Variants in LCLAT1 observed in about 807,000 individuals in gnomAD.
The protein encoded by LCLAT1 is 1-AGP acyltransferase 8.
A neutral mutation model predicts 30.7 loss-of-function variants in LCLAT1; 11 were observed. That is an observed-to-expected ratio of 0.36 (90% CI 0.23 to 0.59). The LOEUF is 0.59. Ranked by LOEUF, LCLAT1 falls within the 20% of genes least tolerant of loss-of-function variation. The probability of loss-of-function intolerance (pLI) is 0.77; values close to 1 mark genes in which losing one functional copy is unlikely to be tolerated. For missense variants in LCLAT1, 402 were observed against 458.6 expected (o/e 0.88, Z 1.13); for synonymous variants, 155 against 151.3 (o/e 1.02, Z -0.18).
chr2:30,517,467 C>T (rs912820719), intron 1 of LCLAT1, among the ~76,000 whole-genome samples: 1 of 152,218 alleles, frequency 6.6e-6, no homozygotes, highest in African/African-American at 2.4e-5. Flanking sequence ...CCAATTTCTA[C>T]CCAGCTTACC....
At chr2:30,565,089 A>G (rs1368733837) in intron 4 of LCLAT1, among the ~76,000 whole-genome samples, 2 of 152,100 alleles carry the variant, frequency 1.3e-5, no homozygotes, top group Admixed American at 6.5e-5. Flanking sequence ...AGGGAGTTCT[A>G]TATTGTATTG....
chr2:30,454,118 G>A (rs1234519455), intron 1 of LCLAT1, among the ~76,000 whole-genome samples: 2 of 152,184 alleles, frequency 1.3e-5, no homozygotes, highest in African/African-American at 4.8e-5. Flanking sequence ...TGTATTACAA[G>A]TTATGTCCAA....
At chr2:30,628,617 T>C (rs769594507) in intron 5 of LCLAT1, among the ~76,000 whole-genome samples, 8 of 152,190 alleles carry the variant, frequency 5.3e-5, no homozygotes, top group Non-Finnish European at 8.8e-5. Flanking sequence ...GATATCTATA[T>C]ATGTGAGAAT....
At chr2:30,623,713 C>G (rs1452526419) in intron 5 of LCLAT1, among the ~76,000 whole-genome samples, 1 of 152,100 alleles carries the variant, frequency 6.6e-6, no homozygotes, top group Non-Finnish European at 1.5e-5. Context: ...GGAAAACTTC[C>G]CTGGCCTTGC....
intron 1 of LCLAT1, among the ~76,000 whole-genome samples, chr2:30,452,441 G>A (rs1681602561): frequency 6.6e-6 from 1 of 151,624 alleles, no homozygotes; most frequent in African/African-American, 2.4e-5. Flanking sequence ...AGGCAAATGT[G>A]AAATTAAGGC....
chr2:30,617,800 G>A (rs1187940015), intron 5 of LCLAT1, among the ~76,000 whole-genome samples: 1 of 152,090 alleles, frequency 6.6e-6, no homozygotes, highest in Non-Finnish European at 1.5e-5. Context: ...CTTCACTGGT[G>A]ATATGTTAAT....
intron 5 of LCLAT1, among the ~76,000 whole-genome samples, chr2:30,638,241 G>A (rs915486810): frequency 6.6e-6 from 1 of 152,182 alleles, no homozygotes; most frequent in Non-Finnish European, 1.5e-5. Flanking sequence ...CAGTGGAAAG[G>A]GTAAATGTGG....
Position 30,627,651 on chromosome 2 carries a change from C to CT in LCLAT1, c.629-12465dup, listed in dbSNP as rs1212366065. On this transcript the variant is annotated intron_variant, in intron 5 of 5. Transcript: ENST00000379509. ...TATGGTAGAAATAGTGAAGCCTACACTATAATTTTATTATTTTTCAATTTC... is the reference window on the plus strand; with the variant it reads ...TATGGTAGAAATAGTGAAGCCTACACTTATAATTTTATTATTTTTCAATTTC... 1.2e-4 allele frequency among the ~76,000 whole-genome samples: 19 copies of CT among 152,250 alleles called. No homozygotes were observed. In the East Asian group the frequency reaches 3.7e-3, roughly 29 times the overall value.
intron 5 of LCLAT1, among the ~76,000 whole-genome samples, chr2:30,591,621 A>G (rs537647173): frequency 6.6e-6 from 1 of 152,306 alleles, no homozygotes; most frequent in Admixed American, 6.5e-5. Context: ...AATCATTCCT[A>G]CAAAGTTTTA....
chr2:30,608,060 C>CA (rs1181307955), intron 5 of LCLAT1, among the ~76,000 whole-genome samples: 2 of 151,948 alleles, frequency 1.3e-5, no homozygotes, highest in Non-Finnish European at 2.9e-5. Flanking sequence ...TTTACTCACA[C>CA]CTGTAATCCC....
chr2:30,490,050 C>T (rs989018603), intron 1 of LCLAT1, among the ~76,000 whole-genome samples: 2 of 152,086 alleles, frequency 1.3e-5, no homozygotes, highest in African/African-American at 4.8e-5. Flanking sequence ...TTTCACAACC[C>T]CTTGGTGTGT....
intron 1 of LCLAT1, among the ~76,000 whole-genome samples, chr2:30,485,319 C>T (rs1683513679): frequency 6.6e-6 from 1 of 152,150 alleles, no homozygotes; most frequent in East Asian, 1.9e-4. Flanking sequence ...TGAAGCACTA[C>T]ACTAGGCTTC....
At chr2:30,467,203 C>T (rs1431237733) in intron 1 of LCLAT1, among the ~76,000 whole-genome samples, 1 of 151,878 alleles carries the variant, frequency 6.6e-6, no homozygotes, top group East Asian at 1.9e-4. Flanking sequence ...GGTTTTTTGT[C>T]CTTGCAATAG....
chr2:30,629,670 A>C (rs1668679520), intron 5 of LCLAT1, among the ~76,000 whole-genome samples: 1 of 152,230 alleles, frequency 6.6e-6, no homozygotes, highest in Non-Finnish European at 1.5e-5. Context: ...GTGTGCATTT[A>C]AATTGATGTT....
At chr2:30,570,969 C>G (rs1045681541) in intron 5 of LCLAT1, among the ~76,000 whole-genome samples, 4 of 152,038 alleles carry the variant, frequency 2.6e-5, no homozygotes, top group African/African-American at 9.7e-5. Flanking sequence ...GTCCAGAGTT[C>G]CTTTTAGAAT....
Position 30,640,114 on chromosome 2 carries a change from C to T in LCLAT1, c.629-3C>T, listed in dbSNP as rs12466818. ...TCTATGTTTTCATCTTTTCGAAACC[C>T]AGGTAAGAACCTTGATGCTGTCCAT... On this transcript the variant is annotated splice_polypyrimidine_tract_variant and splice_region_variant and intron_variant, in intron 5 of 5. Transcript: ENST00000379509. The T allele has an allele frequency of 0.14, 223,037 of 1,600,048 alleles. 16,907 individuals are homozygous for T. The highest frequency in any genetic ancestry group is 0.23 in the Admixed American group (13,074 of 57,034).
intron 2 of LCLAT1, among the ~76,000 whole-genome samples, chr2:30,527,501 A>G (rs1047790238): frequency 6.6e-6 from 1 of 152,252 alleles, no homozygotes; most frequent in Admixed American, 6.5e-5. Flanking sequence ...AAATTACTAC[A>G]GTTGTAATGC....
chr2:30,484,659 C>A (rs1478670844), intron 1 of LCLAT1, among the ~76,000 whole-genome samples: 1 of 152,056 alleles, frequency 6.6e-6, no homozygotes, highest in East Asian at 1.9e-4. Flanking sequence ...AAAGCTTGGC[C>A]ACACATTCTA....
At chr2:30,588,072 C>A (rs1344999148) in intron 5 of LCLAT1, among the ~76,000 whole-genome samples, 1 of 152,234 alleles carries the variant, frequency 6.6e-6, no homozygotes, top group Non-Finnish European at 1.5e-5. Context: ...TAGAAGCCTT[C>A]CTTGCAAAAT....
Sources: allele counts gnomAD v4.1 joint callset (sites outside exome capture counted in the v4.1 genomes callset), GRCh38; gene constraint gnomAD v4.1.1; transcripts MANE v1.5; gene names NCBI Gene and HGNC (gene_info 2026-07-23, HGNC 2026-07-21).